SRC: variants seen among roughly 807,000 people sequenced by gnomAD.
SRC encodes the protein SRC proto-oncogene, non-receptor tyrosine kinase.
Under a neutral mutation model 62.9 loss-of-function variants are expected in SRC, and 13 were observed. The ratio of observed to expected loss-of-function variants is 0.21; its 90% confidence interval spans 0.13 to 0.33. The LOEUF (loss-of-function observed/expected upper bound fraction) is 0.33, where lower values mean the gene tolerates loss of function less well. Among genes scored for constraint, SRC ranks in the 10% least tolerant of loss-of-function variants. The probability of loss-of-function intolerance (pLI) is 1.00; values close to 1 mark genes in which losing one functional copy is unlikely to be tolerated. For synonymous variants in SRC, 302 were observed against 317.5 expected (o/e 0.95, Z 0.52); for missense variants, 457 against 737.3 (o/e 0.62, Z 4.40).
intron 2 of SRC, among the ~76,000 whole-genome samples, chr20:37,373,222 A>G (rs2070207107): frequency 2.0e-5 from 3 of 148,856 alleles, no homozygotes; most frequent in East Asian, 2.0e-4. Flanking sequence ...ACATGTACAT[A>G]CGTACACACA....
intron 2 of SRC, among the ~76,000 whole-genome samples, chr20:37,375,222 C>T (rs1396309286): frequency 6.6e-6 from 1 of 151,376 alleles, no homozygotes; most frequent in African/African-American, 2.4e-5. Context: ...TGAGCCACCG[C>T]ACCTGGCCTC....
intron 2 of SRC, among the ~76,000 whole-genome samples, chr20:37,367,800 C>A (rs879523106): frequency 2.6e-5 from 4 of 151,886 alleles, no homozygotes; most frequent in Non-Finnish European, 5.9e-5. Flanking sequence ...GCATGCAACA[C>A]CACGCCTGGC....
chr20:37,389,120 C>T (rs1336261515), intron 5 of SRC, among the ~76,000 whole-genome samples: 5 of 152,262 alleles, frequency 3.3e-5, no homozygotes, highest in South Asian at 2.1e-4. Flanking sequence ...GATCCCGCGC[C>T]ATGGATCTTG....
At chr20:37,373,910 C>T (rs2070236649) in intron 2 of SRC, among the ~76,000 whole-genome samples, 1 of 152,008 alleles carries the variant, frequency 6.6e-6, no homozygotes, top group Admixed American at 6.6e-5. Context: ...GTAAGGTTTA[C>T]TGTCTGGTTG....
rs751723602 is a variant in SRC at position 37,351,421 on chromosome 20, G to A, written c.-247+5166G>A. On this transcript the variant is annotated intron_variant, in intron 1 of 13. Transcript: ENST00000373578. The surrounding 1 kb of genome is among the most constrained non-coding windows in gnomAD (Gnocchi z 4.4). ...TCTTTTTTGGTGCTCATGTAGGGGT[G>A]GGGATGTCTGTGGTGGGTGGGTGGT... 4.6e-5 allele frequency among the ~76,000 whole-genome samples: 7 copies of A among 152,124 alleles called. No individual in the cohort carries two copies. The highest frequency in any genetic ancestry group is 9.7e-5 in the African/African-American group (4 of 41,426).
intron 1 of SRC, among the ~76,000 whole-genome samples, chr20:37,354,374 C>T (rs973254081): frequency 5.3e-5 from 8 of 152,098 alleles, no homozygotes; most frequent in Admixed American, 2.0e-4. Context: ...AGTGTGCACC[C>T]GGTGGGGCTG....
At chr20:37,367,923 C>T (rs2070090419) in intron 2 of SRC, among the ~76,000 whole-genome samples, 1 of 152,172 alleles carries the variant, frequency 6.6e-6, no homozygotes, top group African/African-American at 2.4e-5. Context: ...GGATTACATG[C>T]ATGAGCCACT....
chr20:37,369,429 T>G (rs1485731577), intron 2 of SRC, among the ~76,000 whole-genome samples: 1 of 152,218 alleles, frequency 6.6e-6, no homozygotes, highest in Non-Finnish European at 1.5e-5. Flanking sequence ...TAATTTTATT[T>G]TTGGATTCTT....
At chr20:37,387,055 G>A (rs893219056) in intron 5 of SRC, among the ~76,000 whole-genome samples, 1 of 152,246 alleles carries the variant, frequency 6.6e-6, no homozygotes, top group Non-Finnish European at 1.5e-5. Flanking sequence ...CGGACTGGAG[G>A]GGGCTGACGC....
At chr20:37,369,827 TCTCA>T (rs1194585067) in intron 2 of SRC, among the ~76,000 whole-genome samples, 1 of 151,814 alleles carries the variant, frequency 6.6e-6, no homozygotes, top group Non-Finnish European at 1.5e-5. Flanking sequence ...AAGATGGGAG[TCTCA>T]CTCTGTCACC....
At chr20:37,379,496 A>C (rs1490523339) in intron 2 of SRC, among the ~76,000 whole-genome samples, 1 of 151,914 alleles carries the variant, frequency 6.6e-6, no homozygotes, top group Non-Finnish European at 1.5e-5. Flanking sequence ...TCACTGAGTC[A>C]TCGAGTGAAG....
In SRC at chr20:37,384,127, G is replaced by A. The variant is rs1291108574; in HGVS notation, c.-4-23G>A. On this transcript the variant is annotated intron_variant, in intron 3 of 13. Coordinates refer to ENST00000373578, the MANE Select transcript of SRC (RefSeq NM_198291.3). This position sits in a 1 kb window ranked among gnomAD's most constrained non-coding sequence, Gnocchi z 6.7. The stretch of plus-strand genomic sequence containing the variant: ...GGCCCCGGCAGCCCTGCCTGTTCCA[G>A]TGTCTTCTCTCTCTCCTGCCAGGAC... The A allele has an allele frequency of 1.9e-6, 3 of 1,596,076 alleles. No individual in the cohort carries two copies. The highest frequency in any genetic ancestry group is 2.2e-5 in the South Asian group (2 of 90,820).
Position 37,404,346 on chromosome 20 carries a change from C to T in SRC, c.*967C>T, listed in dbSNP as rs562800968. On this transcript the variant is annotated 3_prime_UTR_variant, in exon 14 of 14. Transcript: ENST00000373578. ...CAGGTGTGGAGAGAGAGGCTTCAATCGGCTTGTGGGTGATGTTTGACCTTC... is the reference window on the plus strand; with the variant it reads ...CAGGTGTGGAGAGAGAGGCTTCAATTGGCTTGTGGGTGATGTTTGACCTTC... 7 of 233,586 alleles carry T rather than the reference C, an allele frequency of 3.0e-5. No homozygotes were observed. In the South Asian group the frequency reaches 7.2e-4, roughly 24 times the overall value. The allele number at this position is 233,586 out of a possible 1,614,324, so 14.5% of individuals were successfully genotyped here.
Position 37,387,714 on chromosome 20 carries a change from G to A in SRC, c.350+1540G>A, listed in dbSNP as rs141430580. 4.6e-3 allele frequency among the ~76,000 whole-genome samples: 706 copies of A among 152,254 alleles called. 8 individuals carry two copies. Among genetic ancestry groups the A allele is most frequent in the African/African-American group, 0.016 (672 of 41,530 alleles). On this transcript the variant is annotated intron_variant, in intron 5 of 13. Transcript: ENST00000373578. Reference sequence around the variant, plus strand: ...GGCTCTCTGGTGCACCTCACTTCTGGGTCCCCATAGCACCTGTAACTCAGC... The same window carrying A: ...GGCTCTCTGGTGCACCTCACTTCTGAGTCCCCATAGCACCTGTAACTCAGC...
In SRC at chr20:37,398,095, C is replaced by T. The variant is rs2070685555; in HGVS notation, c.859+241C>T. Reference sequence around the variant, plus strand: ...GATCCGCACAGGGCTGGGCATTGCACAGACCTGCTGTGTAGGCTGGGCCCG... The same window carrying T: ...GATCCGCACAGGGCTGGGCATTGCATAGACCTGCTGTGTAGGCTGGGCCCG... On this transcript the variant is annotated intron_variant, in intron 9 of 13. Transcript: ENST00000373578. The surrounding 1 kb of genome is among the most constrained non-coding windows in gnomAD (Gnocchi z 5.2). 6.6e-6 allele frequency among the ~76,000 whole-genome samples: 1 copy of T among 152,206 alleles called. No individual in the cohort carries two copies.
rs554299650 is a variant in SRC at position 37,388,172 on chromosome 20, A to T, written c.350+1998A>T. Among the ~76,000 whole-genome samples, 368 of 152,232 alleles carry T rather than the reference A, an allele frequency of 2.4e-3. 2 individuals are homozygous for T. The highest frequency in any genetic ancestry group is 8.7e-3 in the African/African-American group (360 of 41,550). On this transcript the variant is annotated intron_variant, in intron 5 of 13. Transcript: ENST00000373578. The stretch of plus-strand genomic sequence containing the variant: ...GGTGACAGCTGGGGCAGAGCTGTGG[A>T]GGCAGGAAGGGCTGGGAGAACTTTG...
rs567995269 is a variant in SRC at position 37,393,752 on chromosome 20, G to T, written c.351-143G>T. 2.2e-4 allele frequency: 135 copies of T among 616,990 alleles called. 2 individuals carry two copies. The South Asian group carries it at 2.5e-3, about 11-fold the overall frequency. 38.2% of individuals were successfully genotyped at this position (616,990 alleles called of 1,614,324 possible). ...AGGCCAGCTGGACCTGGCATGCTGT[G>T]GGGACTCACGCTGGCCCCACCACCT... is the stretch of plus-strand genomic sequence containing the variant. On this transcript the variant is annotated intron_variant, in intron 5 of 13. Transcript: ENST00000373578.
At chr20:37,374,155 C>G (rs1201845941) in intron 2 of SRC, among the ~76,000 whole-genome samples, 1 of 151,328 alleles carries the variant, frequency 6.6e-6, no homozygotes, top group African/African-American at 2.4e-5. Flanking sequence ...TCTCGGCTCA[C>G]TGCAACCTCT....
At position 37,351,408 on chromosome 20, in the gene SRC, C is replaced by T. The variant is rs1419015053; in HGVS notation, c.-247+5153C>T. Among the ~76,000 whole-genome samples, 2 of 151,892 alleles carry T rather than the reference C, an allele frequency of 1.3e-5. No individual in the cohort carries two copies. Among genetic ancestry groups the T allele is most frequent in the African/African-American group, 2.4e-5 (1 of 41,328 alleles). ...AGGCCCAGCGGAGTCTTTTTTGGTG[C>T]TCATGTAGGGGTGGGGATGTCTGTG... On this transcript the variant is annotated intron_variant, in intron 1 of 13. Transcript: ENST00000373578. This position sits in a 1 kb window ranked among gnomAD's most constrained non-coding sequence, Gnocchi z 4.4.
Sources: gnomAD v4.1 joint callset for allele counts (sites outside exome capture counted in the v4.1 genomes callset) on GRCh38, gnomAD v4.1.1 for gene constraint, Gnocchi (gnomAD v3.1) non-coding constraint, MANE v1.5 for transcripts, NCBI Gene and HGNC (gene_info 2026-07-23, HGNC 2026-07-21) for gene names.